The following HTR4 variants were observed in gnomAD, a reference collection of about 807,000 sequenced individuals.
HTR4 encodes the protein 5-hydroxytryptamine receptor 4.
In HTR4, 16 loss-of-function variants were observed where a neutral mutation model predicts 36.8. The observed-to-expected ratio is 0.43, with a 90% CI of 0.29 to 0.66. The LOEUF (loss-of-function observed/expected upper bound fraction) is 0.66. Ranked by LOEUF, HTR4 falls within the 30% of genes least tolerant of loss-of-function variation. HTR4 has a pLI of 0.13. For synonymous variants in HTR4, 189 were observed against 185.1 expected, an observed-to-expected ratio of 1.02 and a Z score of -0.17; for missense variants, 438 against 490.9, an observed-to-expected ratio of 0.89 and a Z score of 1.02.
chr5:148,654,426 G>A lies in HTR4; in HGVS notation c.-412C>T, dbSNP rs370506887. The A allele has an allele frequency of 1.6e-4, 157 of 985,500 alleles. 1 individual carries two copies. The African/African-American group carries it at 2.4e-3, about 15-fold the overall frequency. The allele number at this position is 985,500 out of a possible 1,614,324, so 61.0% of individuals were successfully genotyped here. On this transcript the variant is annotated 5_prime_UTR_variant, in exon 1 of 7. Transcript: ENST00000377888. ...GGGACAGCGGGGGTGCCGCTCTGCCGGCAGGGCGCACAGGGGAGTGGGCAC... is the reference window on the plus strand; with the variant it reads ...GGGACAGCGGGGGTGCCGCTCTGCCAGCAGGGCGCACAGGGGAGTGGGCAC...
At chr5:148,636,371 A>G (rs1241776513) in intron 2 of HTR4, among the ~76,000 whole-genome samples, 2 of 152,150 alleles carry the variant, frequency 1.3e-5, no homozygotes, top group African/African-American at 4.8e-5. Flanking sequence ...AATTCATAAC[A>G]TTGAGGCCTT....
intron 2 of HTR4, among the ~76,000 whole-genome samples, chr5:148,564,459 G>C (rs939080916): frequency 6.6e-6 from 1 of 152,028 alleles, no homozygotes; most frequent in Non-Finnish European, 1.5e-5. Flanking sequence ...TACTGATTTT[G>C]GTATCAACAG....
intron 2 of HTR4, among the ~76,000 whole-genome samples, chr5:148,596,171 C>T (rs189223860): frequency 1.3e-5 from 2 of 152,332 alleles, no homozygotes; most frequent in African/African-American, 2.4e-5. Flanking sequence ...TTTTAAGTAA[C>T]AAGCACAATC....
At chr5:148,653,499 A>G (rs545251807) in intron 1 of HTR4, among the ~76,000 whole-genome samples, 63 of 152,308 alleles carry the variant, frequency 4.1e-4, no homozygotes, top group African/African-American at 1.5e-3. Context: ...GAGTACCGGC[A>G]GTGACCGCCA....
At chr5:148,504,930 C>A (rs1333611052) in intron 6 of HTR4, among the ~76,000 whole-genome samples, 18 of 152,098 alleles carry the variant, frequency 1.2e-4, no homozygotes, top group Non-Finnish European at 2.4e-4. Context: ...TACACCCTCC[C>A]AAGACTAAAC....
intron 2 of HTR4, among the ~76,000 whole-genome samples, chr5:148,609,945 T>G (rs1366637924): frequency 6.6e-6 from 1 of 152,094 alleles, no homozygotes; most frequent in Non-Finnish European, 1.5e-5. Context: ...AACTTTTGAG[T>G]GAGATTTGAC....
At chr5:148,587,062 C>T (rs961268325) in intron 2 of HTR4, among the ~76,000 whole-genome samples, 1 of 152,188 alleles carries the variant, frequency 6.6e-6, no homozygotes, top group Admixed American at 6.5e-5. Context: ...CCCCACTGCT[C>T]CCTATTGTCT....
downstream of HTR4, among the ~76,000 whole-genome samples, chr5:148,476,216 G>A (rs1024896613): frequency 1.3e-5 from 2 of 152,130 alleles, no homozygotes; most frequent in Non-Finnish European, 2.9e-5. Context: ...GCTCTATGTT[G>A]TCTCAATAGA....
At chr5:148,534,098 C>T (rs9325103) in intron 4 of HTR4, among the ~76,000 whole-genome samples, 25,834 of 152,104 alleles carry the variant, frequency 0.17, 3,734 homozygotes, top group African/African-American at 0.38. Flanking sequence ...CATACATTGT[C>T]GCTTAAGCTG....
rs1313260674 is a variant in HTR4, at chr5:148,606,557, G to T, written c.26+30432C>A. On this transcript the variant is annotated intron_variant, in intron 2 of 6. Transcript: ENST00000377888. ...CTGACTCCTTAGATGAGGTAATAGT[G>T]CATGTAGAACATTTAGCACTATTAT... Among the ~76,000 whole-genome samples the T allele has an allele frequency of 2.0e-5, 3 of 152,098 alleles. 1 individual carries two copies. The East Asian group carries it at 5.8e-4, about 29-fold the overall frequency.
At chr5:148,647,299 A>G (rs1753900212) in intron 1 of HTR4, among the ~76,000 whole-genome samples, 1 of 152,258 alleles carries the variant, frequency 6.6e-6, no homozygotes, top group Non-Finnish European at 1.5e-5. Context: ...TCATTTTATG[A>G]AATCATCTGT....
At chr5:148,640,960 T>G (rs763653287) in intron 1 of HTR4, among the ~76,000 whole-genome samples, 1 of 152,172 alleles carries the variant, frequency 6.6e-6, no homozygotes, top group Non-Finnish European at 1.5e-5. Context: ...ACCAGTGAGA[T>G]AGCATGCATT....
intron 5 of HTR4, among the ~76,000 whole-genome samples, chr5:148,513,680 A>G (rs1561589147): frequency 6.6e-6 from 1 of 152,208 alleles, no homozygotes; most frequent in African/African-American, 2.4e-5. Flanking sequence ...TAGGATTTTG[A>G]TTGGAATGAG....
chr5:148,543,226 A>G (rs1227812825), intron 4 of HTR4, among the ~76,000 whole-genome samples: 1 of 152,216 alleles, frequency 6.6e-6, no homozygotes, highest in Non-Finnish European at 1.5e-5. Flanking sequence ...ATAGGGACAA[A>G]GAGGGACAGA....
At chr5:148,582,941 A>C (rs971289766) in intron 2 of HTR4, among the ~76,000 whole-genome samples, 1 of 151,634 alleles carries the variant, frequency 6.6e-6, no homozygotes, top group African/African-American at 2.4e-5. Context: ...TCTCCTGCCT[A>C]ATTGCCCTGG....
At chr5:148,457,919 TC>T (rs1178092318) in intron 5 of HTR4, among the ~76,000 whole-genome samples, 41 of 135,202 alleles carry the variant, frequency 3.0e-4, no homozygotes, top group Admixed American at 2.1e-3. Flanking sequence ...ATTTAATATA[TC>T]ATTAAAATAT....
intron 1 of HTR4, among the ~76,000 whole-genome samples, chr5:148,638,037 G>T (rs990117298): frequency 1.8e-5 from 2 of 114,192 alleles, no homozygotes; most frequent in Non-Finnish European, 3.7e-5. Context: ...GAAGAACCTG[G>T]AAATCTGTTA....
rs1233570672 is a variant in HTR4 at position 148,483,023 on chromosome 5, C to T, written c.*180G>A. The stretch of plus-strand genomic sequence containing the variant: ...AAGGAGGCCATTATGTCCCCTGACT[C>T]CCTCCAGCGCCACCTGCTGGAATCT... On this transcript the variant is annotated 3_prime_UTR_variant, in exon 7 of 7. Coordinates refer to ENST00000377888, the MANE Select transcript of HTR4 (RefSeq NM_000870.7). 6.9e-7 allele frequency: 1 copy of T among 1,448,526 alleles called. No homozygotes were observed. The highest frequency in any genetic ancestry group is 9.1e-7 in the Non-Finnish European group (1 of 1,097,868). The allele number at this position is 1,448,526 out of a possible 1,614,324, so 89.7% of individuals were successfully genotyped here.
intron 2 of HTR4, among the ~76,000 whole-genome samples, chr5:148,577,844 G>A (rs1760986556): frequency 6.6e-6 from 1 of 151,960 alleles, no homozygotes; most frequent in South Asian, 2.1e-4. Context: ...GGAGGGAGGA[G>A]AGCAGAAAAG....
Sources: allele counts gnomAD v4.1 joint callset (sites outside exome capture counted in the v4.1 genomes callset), GRCh38; gene constraint gnomAD v4.1.1; transcripts MANE v1.5; gene names NCBI Gene and HGNC (gene_info 2026-07-23, HGNC 2026-07-21).